Variants in MYT1L observed in about 807,000 individuals in gnomAD.
MYT1L encodes myelin transcription factor 1 like, also known as myelin transcription factor 1-like protein.
In MYT1L, 12 loss-of-function variants were observed where a neutral mutation model predicts 126.7. The ratio of observed to expected loss-of-function variants is 0.09; its 90% CI spans 0.06 to 0.15. MYT1L has a LOEUF of 0.15. MYT1L is among the 10% of genes least tolerant of loss of function. MYT1L has a pLI of 1.00. For synonymous variants in MYT1L, 541 were observed against 604.2 expected (o/e 0.90, Z 1.53); for missense variants, 979 against 1,585.2 (o/e 0.62, Z 6.49).
At chr2:2,005,307 C>CAT (rs2063135721) in intron 4 of MYT1L, among the ~76,000 whole-genome samples, 1 of 145,070 alleles carries the variant, frequency 6.9e-6, no homozygotes. Context: ...TTCTTTCCTG[C>CAT]GTGCCTTCTT....
intron 1 of MYT1L, among the ~76,000 whole-genome samples, chr2:2,304,776 A>G (rs1448506276): frequency 6.6e-6 from 1 of 152,224 alleles, no homozygotes; most frequent in Non-Finnish European, 1.5e-5. Flanking sequence ...CCAACCCTGG[A>G]AAATGCATCT....
At chr2:2,106,710 G>A (rs2078809024) in intron 3 of MYT1L, among the ~76,000 whole-genome samples, 1 of 152,204 alleles carries the variant, frequency 6.6e-6, no homozygotes, top group African/African-American at 2.4e-5. Flanking sequence ...TTGAACACCA[G>A]ACACAAGCAT....
chr2:1,871,965 A>G (rs1238950368), intron 18 of MYT1L, among the ~76,000 whole-genome samples: 1 of 152,138 alleles, frequency 6.6e-6, no homozygotes, highest in Non-Finnish European at 1.5e-5. Flanking sequence ...GAGGAGGCGC[A>G]TTGTATGAGC....
At chr2:2,285,588 C>T (rs1008211101) in intron 1 of MYT1L, among the ~76,000 whole-genome samples, 1 of 152,198 alleles carries the variant, frequency 6.6e-6, no homozygotes, top group African/African-American at 2.4e-5. Context: ...ACCTGGAATG[C>T]CCTCCCCTTT....
At chr2:1,894,391 C>G (rs2049313852) in intron 14 of MYT1L, among the ~76,000 whole-genome samples, 1 of 152,130 alleles carries the variant, frequency 6.6e-6, no homozygotes, top group South Asian at 2.1e-4. Flanking sequence ...CCCCACGGGC[C>G]CTGTGCAGTG....
At chr2:1,867,052 A>G (rs1359246694) in intron 18 of MYT1L, among the ~76,000 whole-genome samples, 1 of 84,642 alleles carries the variant, frequency 1.2e-5, no homozygotes, top group Admixed American at 1.5e-4. Flanking sequence ...CCAGGGAGAG[A>G]GGGTTGGGGG....
At chr2:1,964,092 A>G (rs975964240) in intron 8 of MYT1L, among the ~76,000 whole-genome samples, 1 of 152,192 alleles carries the variant, frequency 6.6e-6, no homozygotes, top group Non-Finnish European at 1.5e-5. Flanking sequence ...GAACACTTAG[A>G]GGCCATTGTA....
At chr2:1,904,824 C>T (rs1413631714) in intron 13 of MYT1L, among the ~76,000 whole-genome samples, 3 of 150,758 alleles carry the variant, frequency 2.0e-5, no homozygotes, top group Non-Finnish European at 3.0e-5. Flanking sequence ...GACAGAGTCT[C>T]GCTCTGTCCC....
chr2:2,181,641 G>A (rs72769212), intron 2 of MYT1L, among the ~76,000 whole-genome samples: 137 of 152,300 alleles, frequency 9.0e-4, no homozygotes, highest in Non-Finnish European at 1.5e-3. Context: ...AGTTGACCAC[G>A]TGGAAGCGCT....
chr2:2,118,960 G>A (rs553560756), intron 3 of MYT1L, among the ~76,000 whole-genome samples: 20 of 152,368 alleles, frequency 1.3e-4, no homozygotes, highest in East Asian at 7.7e-4. Context: ...AAATGACAGC[G>A]TGCGCCAGGG....
At chr2:1,792,871 CAAAAAAA>C (rs55682787) in intron 23 of MYT1L, among the ~76,000 whole-genome samples, 1 of 76,290 alleles carries the variant, frequency 1.3e-5, no homozygotes, top group South Asian at 8.2e-4. Flanking sequence ...TTCCGTCTCA[CAAAAAAA>C]AAAAAAAAAA....
At position 1,929,087 on chromosome 2, in the gene MYT1L, G is replaced by T. The variant is rs969453033; in HGVS notation, c.506-5824C>A. On this transcript the variant is annotated intron_variant, in intron 9 of 24. Coordinates refer to ENST00000647738, the MANE Select transcript of MYT1L (RefSeq NM_001303052.2). This position sits in a 1 kb window ranked among gnomAD's most constrained non-coding sequence, Gnocchi z 4.7. The stretch of plus-strand genomic sequence containing the variant: ...CCCCTGGCCAGGACCAGGCGGAGAA[G>T]CGTGAGTTCATTTCCCTCTCGCTTC... Among the ~76,000 whole-genome samples the T allele has an allele frequency of 2.0e-4, 31 of 152,176 alleles. No homozygotes were observed. The highest frequency in any genetic ancestry group is 7.2e-4 in the African/African-American group (30 of 41,434).
intron 4 of MYT1L, among the ~76,000 whole-genome samples, chr2:2,029,613 G>A (rs1386930770): frequency 1.3e-5 from 2 of 152,118 alleles, no homozygotes; most frequent in African/African-American, 4.8e-5. Flanking sequence ...GTATCGATGT[G>A]CATATGACAG....
chr2:2,312,384 G>C (rs2095987258), intron 1 of MYT1L, among the ~76,000 whole-genome samples: 1 of 152,248 alleles, frequency 6.6e-6, no homozygotes, highest in East Asian at 1.9e-4. Context: ...GCCGAGACAG[G>C]TGGATCGCTC....
chr2:1,984,654 C>T (rs746756134), intron 5 of MYT1L, among the ~76,000 whole-genome samples: 68 of 151,010 alleles, frequency 4.5e-4, no homozygotes, highest in Non-Finnish European at 5.3e-4. Flanking sequence ...GGACTACAGG[C>T]GCCCGCCACC....
intron 4 of MYT1L, among the ~76,000 whole-genome samples, chr2:2,019,113 C>T (rs200453324): frequency 3.3e-5 from 5 of 152,204 alleles, no homozygotes; most frequent in South Asian, 2.1e-4. Context: ...GATATGGTTT[C>T]GCTGTGTCCC....
intron 5 of MYT1L, among the ~76,000 whole-genome samples, chr2:1,986,961 G>A (rs1311298723): frequency 1.3e-5 from 2 of 152,230 alleles, no homozygotes; most frequent in East Asian, 1.9e-4. Flanking sequence ...GAAACATCAA[G>A]TCAGGTGCCC....
intron 21 of MYT1L, among the ~76,000 whole-genome samples, chr2:1,819,071 C>G (rs965148914): frequency 6.6e-6 from 1 of 152,168 alleles, no homozygotes; most frequent in African/African-American, 2.4e-5. Flanking sequence ...AAAGGTCCCT[C>G]TCAAAGCCTG....
intron 5 of MYT1L, among the ~76,000 whole-genome samples, chr2:1,994,362 C>T (rs2061667589): frequency 6.6e-6 from 1 of 151,512 alleles, no homozygotes; most frequent in East Asian, 2.0e-4. Context: ...GGGGCTCAGC[C>T]CTGGTTCAGG....
Sources: allele counts gnomAD v4.1 joint callset (sites outside exome capture counted in the v4.1 genomes callset), GRCh38; gene constraint gnomAD v4.1.1; non-coding constraint Gnocchi (gnomAD v3.1); transcripts MANE v1.5; gene names NCBI Gene and HGNC (gene_info 2026-07-23, HGNC 2026-07-21).